Variants in SPSB4 observed in about 807,000 individuals in gnomAD.
SPSB4 encodes the protein splA/ryanodine receptor domain and SOCS box containing 4.
In SPSB4, 21 loss-of-function variants were observed where a neutral mutation model predicts 20.9. The ratio of observed to expected loss-of-function variants is 1.01; its 90% CI spans 0.71 to 1.45. The LOEUF (loss-of-function observed/expected upper bound fraction) is 1.45. Ranked by LOEUF, SPSB4 falls within the 40% of genes most tolerant of loss-of-function variation. The pLI is 0.00. For missense variants in SPSB4, 399 were observed against 399.2 expected (o/e 1.00, Z 0.00); for synonymous variants, 207 against 183.8 (o/e 1.13, Z -1.02).
At chr3:141,052,811 G>A (rs1450193806) in intron 1 of SPSB4, among the ~76,000 whole-genome samples, 1 of 152,180 alleles carries the variant, frequency 6.6e-6, no homozygotes, top group East Asian at 1.9e-4. Context: ...AGAGACTTGA[G>A]CGCGGCAAAT....
At chr3:141,136,016 C>A (rs2107806254) in intron 2 of SPSB4, among the ~76,000 whole-genome samples, 1 of 152,066 alleles carries the variant, frequency 6.6e-6, no homozygotes, top group East Asian at 1.9e-4. Flanking sequence ...TGTTTCCTGA[C>A]TTTTTAATGA....
chr3:141,117,323 C>T (rs1006676792), intron 2 of SPSB4, among the ~76,000 whole-genome samples: 2 of 152,134 alleles, frequency 1.3e-5, no homozygotes, highest in Admixed American at 6.5e-5. Context: ...CTTCTAAGTC[C>T]AGGCCTGGGC....
intron 2 of SPSB4, among the ~76,000 whole-genome samples, chr3:141,089,424 T>A (rs936783347): frequency 6.6e-6 from 1 of 152,190 alleles, no homozygotes; most frequent in African/African-American, 2.4e-5. Context: ...AAAGGAGGGC[T>A]GTGCAGAGGA....
At chr3:141,102,547 A>G (rs1287314060) in intron 2 of SPSB4, among the ~76,000 whole-genome samples, 1 of 152,056 alleles carries the variant, frequency 6.6e-6, no homozygotes, top group African/African-American at 2.4e-5. Context: ...AGAAAAAGGT[A>G]TTCTAGGCAG....
At position 141,097,456 on chromosome 3, in the gene SPSB4, C is replaced by A. The variant is rs190628568; in HGVS notation, c.694+30658C>A. Reference sequence around the variant, plus strand: ...TGGTTTTTTTTGAGACAGGGTTTACCCAAGTTGGCCAAGCTGGTCTTGAAC... The same window carrying A: ...TGGTTTTTTTTGAGACAGGGTTTACACAAGTTGGCCAAGCTGGTCTTGAAC... On this transcript the variant is annotated intron_variant, in intron 2 of 2. Coordinates refer to ENST00000310546, the MANE Select transcript of SPSB4 (RefSeq NM_080862.3). Among the ~76,000 whole-genome samples the A allele has an allele frequency of 3.7e-3, 570 of 152,176 alleles. 1 individual carries two copies. Among genetic ancestry groups the A allele is most frequent in the Non-Finnish European group, 6.6e-3 (448 of 68,014 alleles).
intron 1 of SPSB4, among the ~76,000 whole-genome samples, chr3:141,062,851 T>C (rs1423867953): frequency 6.7e-6 from 1 of 149,550 alleles, no homozygotes. Flanking sequence ...GCATTCTTTG[T>C]TTTCAAGGTA....
At position 141,143,172 on chromosome 3, in the gene SPSB4, A is replaced by T. The variant is rs532346783; in HGVS notation, c.695-3970A>T. 4.6e-5 allele frequency among the ~76,000 whole-genome samples: 7 copies of T among 152,100 alleles called. No individual in the cohort carries two copies. The South Asian group carries it at 6.2e-4, about 14-fold the overall frequency. On this transcript the variant is annotated intron_variant, in intron 2 of 2. Coordinates refer to ENST00000310546, the MANE Select transcript of SPSB4 (RefSeq NM_080862.3). ...TAAAACCTGTTTTGTCTGTTATAAGAATCGCTACTCTTGCTTGCTTCTGGT... is the reference window on the plus strand; with the variant it reads ...TAAAACCTGTTTTGTCTGTTATAAGTATCGCTACTCTTGCTTGCTTCTGGT...
rs758930943 is a variant in SPSB4 at position 141,148,079 on chromosome 3, A to G, written c.*810A>G. On this transcript the variant is annotated 3_prime_UTR_variant, in exon 3 of 3. Transcript: ENST00000310546. The surrounding 1 kb of genome is among the most constrained non-coding windows in gnomAD (Gnocchi z 4.5). Reference sequence around the variant, plus strand: ...TGCGGAGAGGACAGTACTTAGTCCAAAGGTGCTAACGGGGGAACTGGGGGC... The same window carrying G: ...TGCGGAGAGGACAGTACTTAGTCCAGAGGTGCTAACGGGGGAACTGGGGGC... 6.5e-6 allele frequency: 1 copy of G among 152,714 alleles called. No individual in the cohort carries two copies. The highest frequency in any genetic ancestry group is 1.5e-5 in the Non-Finnish European group (1 of 68,152). 9.5% of individuals were successfully genotyped at this position (152,714 alleles called of 1,614,324 possible). A position where few individuals can be genotyped will look rare whatever the true frequency, so the allele number is the denominator to read the frequency against.
At chr3:141,102,753 G>T (rs1938631183) in intron 2 of SPSB4, among the ~76,000 whole-genome samples, 1 of 152,156 alleles carries the variant, frequency 6.6e-6, no homozygotes, top group Non-Finnish European at 1.5e-5. Context: ...ATAAGTTGGG[G>T]TGTGGGCAAA....
rs1214114598 is a variant in SPSB4, at chr3:141,066,345, G to T, written c.241G>T (p.Ala81Ser). The change falls in exon 2 of 3, where the codon GCC becomes TCC. Residue 81 changes from alanine to serine, a missense_variant. By Grantham distance (99) the Ala-to-Ser change is moderately conservative. Transcript: ENST00000310546. ...GCTCACCTTCCACCGGCACCCCGTG[G>T]CCCAGAGCACCGACGGCATCCGCGG... ...DRLTFHRHPV[A>S]QSTDGIRGKV... 6.4e-6 allele frequency: 10 copies of T among 1,563,272 alleles called. 1 individual carries two copies. The South Asian group carries it at 1.1e-4, about 17-fold the overall frequency.
In SPSB4 at chr3:141,147,232, T is replaced by G; in HGVS notation, c.785T>G (p.Leu262Arg). 1 of 1,614,220 alleles carries G rather than the reference T, an allele frequency of 6.2e-7. No individual in the cohort carries two copies. Among genetic ancestry groups the G allele is most frequent in the Non-Finnish European group, 8.5e-7 (1 of 1,180,040 alleles). ...QRLQDISSLP[L>R]PQSLKNYLQY... ...CTGCAGGACATCAGCTCCCTGCCCC[T>G]GCCTCAGTCTCTCAAAAACTATCTG... The change falls in exon 3 of 3, where the codon CTG becomes CGG. Residue 262 changes from leucine to arginine, a missense_variant. Transcript: ENST00000310546.
At chr3:141,115,269 A>T (rs1196152198) in intron 2 of SPSB4, 1 of 152,196 alleles carries the variant, frequency 6.6e-6, no homozygotes, top group Non-Finnish European at 1.5e-5. Flanking sequence ...CAGCTTACTG[A>T]GGGACCAGCT....
At chr3:141,115,554 A>G (rs1341354273) in intron 2 of SPSB4, among the ~76,000 whole-genome samples, 4 of 152,236 alleles carry the variant, frequency 2.6e-5, no homozygotes, top group African/African-American at 9.6e-5. Context: ...CGGAGTTTGC[A>G]GCCTTTGATC....
intron 2 of SPSB4, among the ~76,000 whole-genome samples, chr3:141,145,092 G>A (rs1939391697): frequency 6.6e-6 from 1 of 151,932 alleles, no homozygotes; most frequent in African/African-American, 2.4e-5. Flanking sequence ...GGCATGGCTG[G>A]GCTTCCCCTG....
chr3:141,076,367 C>T (rs1021167928), intron 2 of SPSB4, among the ~76,000 whole-genome samples: 4 of 152,214 alleles, frequency 2.6e-5, no homozygotes, highest in Non-Finnish European at 4.4e-5. Context: ...TTATAGTTGC[C>T]AATGCAGTGT....
chr3:141,085,838 GC>G (rs1177053912), intron 2 of SPSB4, among the ~76,000 whole-genome samples: 1 of 152,224 alleles, frequency 6.6e-6, no homozygotes, highest in Non-Finnish European at 1.5e-5. Flanking sequence ...GTTTGGTGCA[GC>G]TCCTGCAAAC....
chr3:141,130,733 C>T (rs1472613890), intron 2 of SPSB4, among the ~76,000 whole-genome samples: 1 of 152,208 alleles, frequency 6.6e-6, no homozygotes, highest in East Asian at 1.9e-4. Flanking sequence ...GATCTCCACC[C>T]ATTTCCATCA....
intron 2 of SPSB4, among the ~76,000 whole-genome samples, chr3:141,145,447 C>T (rs976428135): frequency 3.3e-5 from 5 of 151,994 alleles, no homozygotes; most frequent in Admixed American, 1.3e-4. Context: ...AACATATTCT[C>T]GACTCTTGAC....
chr3:141,066,753 TG>T lies in SPSB4; in HGVS notation c.653del (p.Gly218AlafsTer20). On this transcript the variant is annotated frameshift_variant, in exon 2 of 3. Transcript: ENST00000310546. LOFTEE classifies it high-confidence loss of function. ...KKLYPVVSAV[W>X]GHCEVTMRYI... ...GCTGTACCCGGTGGTGAGTGCCGTGTGGGGCCACTGTGAAGTCACCATGCGC... is the reference window on the plus strand; with the variant it reads ...GCTGTACCCGGTGGTGAGTGCCGTGTGGGCCACTGTGAAGTCACCATGCGC... The T allele has an allele frequency of 6.3e-7, 1 of 1,590,048 alleles. No individual in the cohort carries two copies. Among genetic ancestry groups the T allele is most frequent in the Non-Finnish European group, 8.6e-7 (1 of 1,166,778 alleles).
Sources: allele counts gnomAD v4.1 joint callset (sites outside exome capture counted in the v4.1 genomes callset), GRCh38; gene constraint gnomAD v4.1.1; non-coding constraint Gnocchi (gnomAD v3.1); transcripts MANE v1.5; gene names NCBI Gene and HGNC (gene_info 2026-07-23, HGNC 2026-07-21).